SLC41A3: variants seen among roughly 807,000 people sequenced by gnomAD.
SLC41A3 encodes solute carrier family 41 member 3, also known as SLC41A1-like 2.
SLC41A3 carries 44 observed loss-of-function variants against 45.4 expected under a neutral mutation model. That is an observed-to-expected ratio of 0.97 (90% CI 0.76 to 1.25). SLC41A3 has a LOEUF of 1.25. Ranked by LOEUF, SLC41A3 falls within the 50% of genes most tolerant of loss-of-function variation. SLC41A3 has a pLI of 0.00. For synonymous variants in SLC41A3, 256 were observed against 252.4 expected, an observed-to-expected ratio of 1.01 and a Z score of -0.13; for missense variants, 550 against 600.6, an observed-to-expected ratio of 0.92 and a Z score of 0.88.
chr3:126,037,445 G>A (rs1942281353), intron 3 of SLC41A3, among the ~76,000 whole-genome samples: 1 of 152,186 alleles, frequency 6.6e-6, no homozygotes, highest in Non-Finnish European at 1.5e-5. Flanking sequence ...GTCTCAGGTG[G>A]AAATGACAAA....
At chr3:126,059,307 A>AAAGAAAGAAAGAAAGAAAGAAAGAAAGG (rs1559870097) in intron 2 of SLC41A3, among the ~76,000 whole-genome samples, 2,402 of 59,186 alleles carry the variant, frequency 0.041, 570 homozygotes, top group Middle Eastern at 0.092. Context: ...AGAAAGAAAG[A>AAAGAAAGAAAGAAAGAAAGAAAGAAAGG]AAGGAAGGAT....
At chr3:126,094,097 G>A (rs928303814) in intron 1 of SLC41A3, among the ~76,000 whole-genome samples, 12 of 152,180 alleles carry the variant, frequency 7.9e-5, no homozygotes, top group African/African-American at 2.2e-4. Flanking sequence ...ATAGGGGAGA[G>A]ATTTATTACA....
intron 6 of SLC41A3, among the ~76,000 whole-genome samples, chr3:126,021,056 T>G (rs540673797): frequency 1.4e-4 from 21 of 152,126 alleles, no homozygotes; most frequent in African/African-American, 2.2e-4. Flanking sequence ...CACCATGCCT[T>G]GCTAATTTTT....
intron 6 of SLC41A3, among the ~76,000 whole-genome samples, chr3:126,021,454 G>A (rs142706451): frequency 2.6e-3 from 389 of 152,226 alleles, no homozygotes; most frequent in Non-Finnish European, 3.8e-3. Flanking sequence ...AAACCCTATC[G>A]GGGATTATGG....
chr3:126,034,025 A>G (rs1261719579), intron 3 of SLC41A3, among the ~76,000 whole-genome samples: 1 of 152,128 alleles, frequency 6.6e-6, no homozygotes, highest in Non-Finnish European at 1.5e-5. Flanking sequence ...GCACACACAC[A>G]GGCATTCATG....
chr3:126,015,757 G>A (rs1328251834), intron 7 of SLC41A3, among the ~76,000 whole-genome samples, 184 bp from the exon 8 acceptor site: 3 of 152,148 alleles, frequency 2.0e-5, no homozygotes, highest in African/African-American at 7.2e-5. Context: ...CCCTGCTCAT[G>A]CTTTTCCATC....
chr3:126,083,618 C>A (rs767319761), intron 1 of SLC41A3, among the ~76,000 whole-genome samples: 2 of 152,036 alleles, frequency 1.3e-5, no homozygotes, highest in Non-Finnish European at 2.9e-5. Flanking sequence ...GGGGTCCCTG[C>A]GCGCGGGCGC....
At position 126,098,948 on chromosome 3, in the gene SLC41A3, GTATT is replaced by G. The variant is rs1945657956; in HGVS notation, c.-79+2477_-79+2480del. Among the ~76,000 whole-genome samples, 6 of 60,254 alleles carry G rather than the reference GTATT, an allele frequency of 1.0e-4. No individual in the cohort carries two copies. The Admixed American group carries it at 1.1e-3, about 11-fold the overall frequency. 39.5% of individuals were successfully genotyped at this position (60,254 alleles called of 152,430 possible). ...GGCTTTTTTTTTTTTTTTTTTTTTTGTATTTTTTTGTAGAGACGAGGTTTTGCCA... is the reference window on the plus strand; with the variant it reads ...GGCTTTTTTTTTTTTTTTTTTTTTTGTTTTTGTAGAGACGAGGTTTTGCCA... On this transcript the variant is annotated intron_variant, in intron 1 of 9. Transcript: ENST00000508835.
chr3:126,007,938 C>T (rs2107628935), intron 10 of SLC41A3, among the ~76,000 whole-genome samples: 1 of 152,354 alleles, frequency 6.6e-6, no homozygotes, highest in East Asian at 1.9e-4. Context: ...GTGCTGAATA[C>T]CTGCCCAACA....
chr3:126,063,685 A>G (rs546535655), intron 2 of SLC41A3, among the ~76,000 whole-genome samples: 2 of 152,308 alleles, frequency 1.3e-5, no homozygotes, highest in African/African-American at 4.8e-5. Flanking sequence ...GCCACACACA[A>G]GGCCTCAGCC....
intron 1 of SLC41A3, among the ~76,000 whole-genome samples, chr3:126,071,006 T>C (rs1454354665): frequency 1.3e-5 from 2 of 150,806 alleles, no homozygotes; most frequent in African/African-American, 2.4e-5. Flanking sequence ...GAAAAAAAAA[T>C]ATAAAAGAAA....
chr3:126,026,164 A>G lies in SLC41A3; in HGVS notation c.598+171T>C. 1 of 995,872 alleles carries G rather than the reference A, an allele frequency of 1.0e-6. No homozygotes were observed. The highest frequency in any genetic ancestry group is 1.5e-6 in the Non-Finnish European group (1 of 686,564). The allele number at this position is 995,872 out of a possible 1,614,324, so 61.7% of individuals were successfully genotyped here. A position where few individuals can be genotyped will look rare whatever the true frequency, so the allele number is the denominator to read the frequency against. On this transcript the variant is annotated intron_variant, in intron 5 of 10. Transcript: ENST00000360370. The surrounding 1 kb of genome is among the most constrained non-coding windows in gnomAD (Gnocchi z 4.2). ...CCTGGGTGAGGGCACAAGGTGGGCCATGAAGACCCAGCTGGCTCGTCCCAC... is the reference window on the plus strand; with the variant it reads ...CCTGGGTGAGGGCACAAGGTGGGCCGTGAAGACCCAGCTGGCTCGTCCCAC...
intron 2 of SLC41A3, among the ~76,000 whole-genome samples, chr3:126,067,095 C>CGCG (rs1944386100): frequency 4.6e-5 from 3 of 65,156 alleles, no homozygotes; most frequent in African/African-American, 1.9e-4. Flanking sequence ...GTTGGACCGC[C>CGCG]CCCCCGCCCC....
At chr3:126,066,447 C>T (rs922932739) in intron 2 of SLC41A3, among the ~76,000 whole-genome samples, 9 of 152,176 alleles carry the variant, frequency 5.9e-5, no homozygotes, top group East Asian at 1.9e-4. Flanking sequence ...TAATATAACG[C>T]GTGAGTTTTG....
intron 2 of SLC41A3, among the ~76,000 whole-genome samples, chr3:126,053,429 T>G (rs1943468013): frequency 6.6e-6 from 1 of 152,222 alleles, no homozygotes; most frequent in African/African-American, 2.4e-5. Context: ...TCTGTGGTAT[T>G]TTGTGATGGC....
intron 2 of SLC41A3, among the ~76,000 whole-genome samples, chr3:126,067,187 A>G (rs1291118279): frequency 6.7e-6 from 1 of 149,484 alleles, no homozygotes; most frequent in African/African-American, 2.5e-5. Flanking sequence ...TTACCCAGCA[A>G]TTCTACTCGC....
chr3:126,051,308 C>T (rs1943320247), intron 2 of SLC41A3, among the ~76,000 whole-genome samples: 3 of 152,226 alleles, frequency 2.0e-5, no homozygotes, highest in Admixed American at 2.0e-4. Context: ...CGGGTGGCAG[C>T]CATGCTGCAT....
rs112859106 is a variant in SLC41A3, at chr3:126,006,399, A to G, written c.*617T>C. 1.0e-3 allele frequency: 1,644 copies of G among 1,607,728 alleles called. 14 individuals are homozygous for G. In the African/African-American group the frequency reaches 0.018, roughly 18 times the overall value. ...TGTTTTATTTTACACTTCTCTGATT[A>G]TTGAAATCTAAATAGAGGTTTTTGC... is the stretch of plus-strand genomic sequence containing the variant. On this transcript the variant is annotated 3_prime_UTR_variant, in exon 11 of 11. Coordinates refer to ENST00000360370, the MANE Select transcript of SLC41A3 (RefSeq NM_017836.4).
chr3:126,073,649 C>T (rs1944736636), intron 1 of SLC41A3, among the ~76,000 whole-genome samples: 1 of 151,930 alleles, frequency 6.6e-6, no homozygotes, highest in South Asian at 2.1e-4. Flanking sequence ...CCTAGAAACA[C>T]AAACTAGTAA....
Sources: gnomAD v4.1 joint callset for allele counts (sites outside exome capture counted in the v4.1 genomes callset) on GRCh38, gnomAD v4.1.1 for gene constraint, Gnocchi (gnomAD v3.1) non-coding constraint, MANE v1.5 for transcripts, NCBI Gene and HGNC (gene_info 2026-07-23, HGNC 2026-07-21) for gene names.